PDE1C: variants seen among roughly 807,000 people sequenced by gnomAD.
PDE1C encodes phosphodiesterase 1C.
A neutral mutation model predicts 93.1 loss-of-function variants in PDE1C; 62 were observed. The observed-to-expected ratio is 0.67, with a 90% confidence interval of 0.54 to 0.82. The LOEUF (loss-of-function observed/expected upper bound fraction) is 0.82. Ranked by LOEUF, PDE1C falls within the 40% of genes least tolerant of loss-of-function variation. The pLI, the probability that PDE1C is intolerant of heterozygous loss-of-function variation, is 0.00. For missense variants in PDE1C, 742 were observed against 884.6 expected, an observed-to-expected ratio of 0.84 and a Z score of 2.04; for synonymous variants, 325 against 310.1, an observed-to-expected ratio of 1.05 and a Z score of -0.50.
At chr7:31,649,293 G>A in the PDE1C span, among the ~76,000 whole-genome samples, 1 of 152,154 alleles carries the variant, frequency 6.6e-6, no homozygotes, top group Non-Finnish European at 1.5e-5. Context: ...GTTTAGAGAG[G>A]AAGGGTAAGA....
chr7:32,099,319 A>G (rs925304046), intron 3 of PDE1C, among the ~76,000 whole-genome samples: 1 of 152,212 alleles, frequency 6.6e-6, no homozygotes. Flanking sequence ...CTTTGCCATT[A>G]TAAAGAACCT....
intron 2 of PDE1C, among the ~76,000 whole-genome samples, chr7:31,894,616 A>G (rs1799044864): frequency 6.6e-6 from 1 of 152,146 alleles, no homozygotes; most frequent in Non-Finnish European, 1.5e-5. Context: ...ACATTCACAT[A>G]TTTCTCAGAA....
the PDE1C span, among the ~76,000 whole-genome samples, chr7:31,648,927 A>G: frequency 3.3e-5 from 5 of 152,220 alleles, no homozygotes; most frequent in Non-Finnish European, 5.9e-5. Flanking sequence ...TAGCCATTCT[A>G]TGTCAGAACA....
intron 2 of PDE1C, among the ~76,000 whole-genome samples, chr7:31,949,132 T>TA (rs1262581661): frequency 1.3e-5 from 2 of 152,134 alleles, no homozygotes; most frequent in African/African-American, 4.8e-5. Context: ...AACACTTTTT[T>TA]AGTCCAATAT....
the PDE1C span, chr7:31,652,606 C>T: frequency 1.2e-6 from 2 of 1,613,378 alleles, no homozygotes; most frequent in Non-Finnish European, 1.7e-6. Flanking sequence ...GGGCAGACTT[C>T]ATGTTCTAAA....
At chr7:32,202,751 A>G (rs1246331164) in intron 2 of PDE1C, among the ~76,000 whole-genome samples, 2 of 152,180 alleles carry the variant, frequency 1.3e-5, no homozygotes, top group South Asian at 4.1e-4. Context: ...GAGGATGATT[A>G]TAAGTGTAGA....
At chr7:31,904,856 A>G (rs1223024699) in intron 2 of PDE1C, among the ~76,000 whole-genome samples, 1 of 152,274 alleles carries the variant, frequency 6.6e-6, no homozygotes, top group Non-Finnish European at 1.5e-5. Context: ...ATCATCATAA[A>G]TTAAGAGCAT....
At chr7:32,411,614 G>A (rs1166585613) in intron 1 of PDE1C, among the ~76,000 whole-genome samples, 1 of 152,150 alleles carries the variant, frequency 6.6e-6, no homozygotes, top group Non-Finnish European at 1.5e-5. Context: ...GAATGGGAAG[G>A]CCTGGGACAT....
At chr7:31,798,697 A>C (rs1324599118) in intron 16 of PDE1C, among the ~76,000 whole-genome samples, 2 of 151,764 alleles carry the variant, frequency 1.3e-5, no homozygotes, top group Non-Finnish European at 2.9e-5. Context: ...AAAATTCTCC[A>C]TAACATCTTC....
chr7:32,345,303 C>T (rs1211295090), intron 1 of PDE1C, among the ~76,000 whole-genome samples: 1 of 152,166 alleles, frequency 6.6e-6, no homozygotes, highest in African/African-American at 2.4e-5. Flanking sequence ...GGCTGCAAAA[C>T]CCTGGTTAGT....
At chr7:32,186,474 T>TTC (rs1216855719) in intron 2 of PDE1C, among the ~76,000 whole-genome samples, 1 of 152,210 alleles carries the variant, frequency 6.6e-6, no homozygotes, top group East Asian at 1.9e-4. Flanking sequence ...ACATGTCAAC[T>TTC]TCTAAGAAGA....
chr7:31,785,451 ATAT>A (rs1458622356), intron 16 of PDE1C: 1 of 152,100 alleles, frequency 6.6e-6, no homozygotes, highest in Non-Finnish European at 1.5e-5. Context: ...TTCATGTCAA[ATAT>A]GTCTGGCAAT....
chr7:31,866,346 C>A (rs867982213), intron 6 of PDE1C, among the ~76,000 whole-genome samples: 101 of 152,118 alleles, frequency 6.6e-4, no homozygotes, highest in African/African-American at 2.3e-3. Flanking sequence ...GAGATGAATT[C>A]ATTACCATTT....
At chr7:32,231,056 T>C (rs970052665) in intron 1 of PDE1C, among the ~76,000 whole-genome samples, 5 of 152,142 alleles carry the variant, frequency 3.3e-5, no homozygotes, top group Non-Finnish European at 5.9e-5. Context: ...TCTGGGAAAA[T>C]TTAACCTTTT....
chr7:31,643,099 C>G, the PDE1C span: 1 of 1,613,988 alleles, frequency 6.2e-7, no homozygotes, highest in South Asian at 1.1e-5. Flanking sequence ...CACAGAAATG[C>G]AGGACAGTTT....
chr7:32,208,676 G>A (rs1029901257), intron 2 of PDE1C, among the ~76,000 whole-genome samples: 1 of 152,092 alleles, frequency 6.6e-6, no homozygotes, highest in African/African-American at 2.4e-5. Flanking sequence ...GGTTTGGGGA[G>A]CGTCTCCACT....
At chr7:32,307,176 G>A (rs570724895) in intron 1 of PDE1C, among the ~76,000 whole-genome samples, 1 of 152,084 alleles carries the variant, frequency 6.6e-6, no homozygotes, top group Admixed American at 6.5e-5. Flanking sequence ...CCACAATAAA[G>A]ATTTTTTTTT....
chr7:32,394,708 T>G (rs185100725), intron 1 of PDE1C, among the ~76,000 whole-genome samples: 1,587 of 152,246 alleles, frequency 0.01, 14 homozygotes, highest in Non-Finnish European at 0.018. Flanking sequence ...ATCAGGAGGT[T>G]GAGGTGGAGG....
intron 16 of PDE1C, chr7:31,783,618 G>A (rs1783623117): frequency 6.6e-6 from 1 of 151,586 alleles, no homozygotes; most frequent in Non-Finnish European, 1.5e-5. Context: ...ATACATTGAA[G>A]GACTGTCAGG....
Sources: allele counts gnomAD v4.1 joint callset (sites outside exome capture counted in the v4.1 genomes callset), GRCh38; gene constraint gnomAD v4.1.1; transcripts MANE v1.5; gene names NCBI Gene and HGNC (gene_info 2026-07-23, HGNC 2026-07-21).